HMBOX1: variants seen among roughly 807,000 people sequenced by gnomAD.
The protein encoded by HMBOX1 is homeobox-containing protein 1.
In HMBOX1, 14 loss-of-function variants were observed where a neutral mutation model predicts 54.5. The observed-to-expected ratio is 0.26, with a 90% CI of 0.17 to 0.40. The LOEUF (loss-of-function observed/expected upper bound fraction) is 0.40. HMBOX1 is among the 10% of genes least tolerant of loss of function. The pLI is 1.00. For missense variants in HMBOX1, 332 were observed against 514.4 expected (o/e 0.65, Z 3.43); for synonymous variants, 160 against 181.0 (o/e 0.88, Z 0.93).
At chr8:28,904,835 C>G (rs1478232329) in intron 1 of HMBOX1, among the ~76,000 whole-genome samples, 2 of 152,040 alleles carry the variant, frequency 1.3e-5, no homozygotes, top group Admixed American at 6.6e-5. Flanking sequence ...ACCACCACGC[C>G]CAACTAATTT....
chr8:29,029,858 A>G (rs976052040), intron 6 of HMBOX1, among the ~76,000 whole-genome samples: 3 of 152,142 alleles, frequency 2.0e-5, no homozygotes, highest in Admixed American at 6.5e-5. Flanking sequence ...AGGAAGACAA[A>G]AGTCCTTATT....
chr8:28,971,799 T>G lies in HMBOX1; in HGVS notation c.500+1280T>G, dbSNP rs569085851. ...AGTTTTGTAAAAACTCCTCTAGGAA[T>G]AGAGATGATAAAGGTATTGTTTTCA... On this transcript the variant is annotated intron_variant, in intron 3 of 9. Transcript: ENST00000287701. 3.3e-3 allele frequency among the ~76,000 whole-genome samples: 502 copies of G among 152,218 alleles called. 3 individuals are homozygous for G. The highest frequency in any genetic ancestry group is 0.011 in the African/African-American group (475 of 41,558).
intron 6 of HMBOX1, among the ~76,000 whole-genome samples, chr8:29,041,838 CT>C (rs1300926336): frequency 6.6e-6 from 1 of 152,052 alleles, no homozygotes; most frequent in African/African-American, 2.4e-5. Flanking sequence ...CTTTGAACAC[CT>C]CTATAATAAA....
rs773650901 is a variant in HMBOX1 at position 29,049,101 on chromosome 8, G to A, written c.1125+53G>A. 1.4e-5 allele frequency: 22 copies of A among 1,552,496 alleles called. No homozygotes were observed. In the African/African-American group the frequency reaches 3.0e-4, roughly 21 times the overall value. On this transcript the variant is annotated intron_variant, in intron 9 of 9. Transcript: ENST00000287701. ...TCTTGGTGCCTGAGCAGGGGGTATA[G>A]TGGGACAGCTTAGTTCCTTGGGTGT...
intron 2 of HMBOX1, among the ~76,000 whole-genome samples, chr8:28,967,758 C>A (rs999202416): frequency 3.3e-5 from 5 of 152,084 alleles, no homozygotes; most frequent in African/African-American, 1.2e-4. Flanking sequence ...TGTGGGGGAA[C>A]TTAGGCCATC....
At chr8:28,942,472 C>T (rs1323133941) in intron 1 of HMBOX1, among the ~76,000 whole-genome samples, 2 of 152,056 alleles carry the variant, frequency 1.3e-5, no homozygotes, top group African/African-American at 2.4e-5. Context: ...CTTACTGCCC[C>T]CATCCCTCAG....
chr8:28,913,711 C>T (rs558712024), intron 1 of HMBOX1, among the ~76,000 whole-genome samples: 2 of 152,088 alleles, frequency 1.3e-5, no homozygotes, highest in South Asian at 2.1e-4. Context: ...TGCTTAGTAA[C>T]GTCTGCTAAG....
chr8:28,988,292 T>C (rs920073060), intron 4 of HMBOX1, among the ~76,000 whole-genome samples: 1 of 152,240 alleles, frequency 6.6e-6, no homozygotes, highest in Non-Finnish European at 1.5e-5. Flanking sequence ...TACTAATCCA[T>C]TGAATGGATA....
chr8:29,049,081 G>A, intron 9 of HMBOX1, 33 bp downstream of exon 9: 1 of 1,595,812 alleles, frequency 6.3e-7, no homozygotes, highest in Non-Finnish European at 8.6e-7. Flanking sequence ...GAGGTTCTTG[G>A]TGCCTGAGCA....
At chr8:28,980,279 G>GCC in intron 4 of HMBOX1, 123 bp downstream of exon 4, 1 of 729,082 alleles carries the variant, frequency 1.4e-6, no homozygotes, top group Non-Finnish European at 2.4e-6. Flanking sequence ...GCATAATTAT[G>GCC]TATGCCTGTG....
At chr8:28,938,408 A>G (rs1452596255) in intron 1 of HMBOX1, among the ~76,000 whole-genome samples, 1 of 152,202 alleles carries the variant, frequency 6.6e-6, no homozygotes, top group Non-Finnish European at 1.5e-5. Context: ...ATTCACACTC[A>G]TATGAAGCAG....
chr8:29,019,476 TATG>T (rs1374413343), intron 6 of HMBOX1, among the ~76,000 whole-genome samples: 1 of 152,176 alleles, frequency 6.6e-6, no homozygotes, highest in African/African-American at 2.4e-5. Context: ...ATAAATTAAT[TATG>T]ATTGTGAAAT....
At chr8:29,009,661 ATGG>A (rs1833975945) in intron 5 of HMBOX1, 1 of 1,280,260 alleles carries the variant, frequency 7.8e-7, no homozygotes, top group African/African-American at 1.5e-5. Flanking sequence ...GACCTGGGTA[ATGG>A]ATGTATCTTT....
chr8:28,907,959 C>T (rs1438535071), intron 1 of HMBOX1, among the ~76,000 whole-genome samples: 2 of 151,916 alleles, frequency 1.3e-5, no homozygotes, highest in Non-Finnish European at 2.9e-5. Flanking sequence ...ATCCTCCCTA[C>T]CTTAGCCTCC....
intron 1 of HMBOX1, among the ~76,000 whole-genome samples, chr8:28,894,552 T>G (rs933350947): frequency 2.0e-5 from 3 of 152,224 alleles, no homozygotes; most frequent in Non-Finnish European, 2.9e-5. Context: ...CTCAAAATAT[T>G]AGTAAGTAAG....
At chr8:29,030,572 A>G (rs182268038) in intron 6 of HMBOX1, among the ~76,000 whole-genome samples, 79 of 152,332 alleles carry the variant, frequency 5.2e-4, no homozygotes, top group Admixed American at 7.2e-4. Flanking sequence ...ATTTCTTAAA[A>G]TGTCCTTCAA....
chr8:28,948,322 T>A (rs1822847140), intron 1 of HMBOX1, among the ~76,000 whole-genome samples: 2 of 152,198 alleles, frequency 1.3e-5, no homozygotes, highest in South Asian at 4.1e-4. Context: ...CAGTTACCCA[T>A]GCAACAGGTG....
chr8:29,038,369 A>T (rs1563629817), intron 6 of HMBOX1, among the ~76,000 whole-genome samples: 1 of 152,054 alleles, frequency 6.6e-6, no homozygotes, highest in Non-Finnish European at 1.5e-5. Flanking sequence ...GATTTATTTT[A>T]TCATTTTTTT....
intron 1 of HMBOX1, among the ~76,000 whole-genome samples, chr8:28,937,407 A>G (rs1397400766): frequency 3.9e-5 from 6 of 152,176 alleles, no homozygotes; most frequent in Non-Finnish European, 7.4e-5. Context: ...AAGACCTCCA[A>G]TTCCTTGGAT....
Sources: gnomAD v4.1 joint callset for allele counts (sites outside exome capture counted in the v4.1 genomes callset) on GRCh38, gnomAD v4.1.1 for gene constraint, MANE v1.5 for transcripts, NCBI Gene and HGNC (gene_info 2026-07-23, HGNC 2026-07-21) for gene names.